ELP1: variants seen among roughly 807,000 people sequenced by gnomAD.
The protein encoded by ELP1 is elongator complex protein 1.
In ELP1, 131 loss-of-function variants were observed where a neutral mutation model predicts 183.2. The ratio of observed to expected loss-of-function variants is 0.72; its 90% CI spans 0.62 to 0.83. ELP1 has a LOEUF of 0.83. Among genes scored for constraint, ELP1 ranks in the 40% least tolerant of loss-of-function variants. The pLI is 0.00. For synonymous variants in ELP1, 555 were observed against 569.0 expected, an observed-to-expected ratio of 0.98 and a Z score of 0.35; for missense variants, 1,550 against 1,594.9, an observed-to-expected ratio of 0.97 and a Z score of 0.48.
In ELP1 at chr9:108,898,512, TA is replaced by T. The variant is rs1195330104; in HGVS notation, c.2352del (p.Phe784LeufsTer4). On this transcript the variant is annotated frameshift_variant, in exon 22 of 37. Coordinates refer to ENST00000374647, the MANE Select transcript of ELP1 (RefSeq NM_003640.5). LOFTEE classifies it high-confidence loss of function. ...IDSVNHINLFFTELKEEDVTK... is the reference protein window; with the variant it reads ...IDSVNHINLFXTELKEEDVTK... ...ATTCAAAATACTTACTTCAATTCTGTAAAAAACAAGTTAATATGATTCACAG... is the reference window on the plus strand; with the variant it reads ...ATTCAAAATACTTACTTCAATTCTGTAAAAACAAGTTAATATGATTCACAG... The T allele has an allele frequency of 6.4e-7, 1 of 1,555,994 alleles. No individual in the cohort carries two copies.
At position 108,869,666 on chromosome 9, in the gene ELP1, C is replaced by T. The variant is rs190371309; in HGVS notation, c.3932-484G>A. ...ACAAACATGTTGATCAATAAAGATGCCCCTGCTTTAAAAAAAGTGAATGGA... is the reference window on the plus strand; with the variant it reads ...ACAAACATGTTGATCAATAAAGATGTCCCTGCTTTAAAAAAAGTGAATGGA... On this transcript the variant is annotated intron_variant, in intron 36 of 36. Transcript: ENST00000374647. Among the ~76,000 whole-genome samples the T allele has an allele frequency of 1.7e-3, 261 of 151,770 alleles. 3 individuals are homozygous for T. Among genetic ancestry groups the T allele is most frequent in the Admixed American group, 0.015 (223 of 15,296 alleles).
chr9:108,906,539 G>A, intron 13 of ELP1, 54 bp from the exon 14 acceptor site: 2 of 1,478,774 alleles, frequency 1.4e-6, no homozygotes, highest in Non-Finnish European at 1.9e-6. Context: ...AAAAACCACT[G>A]AGACGTTCCT....
rs749052963 is a variant in ELP1, at chr9:108,893,986, G to T, written c.2817C>A (p.Tyr939Ter). ...CAATGGCTTTTTCATATCGTTTCAA[G>T]TATTTGTCTATAGTAAACCGCTGAT... ...TNYQRFTIDK[Y>*]LKRYEKAIGH... The change falls in exon 26 of 37, where the codon TAC (tyrosine) becomes TAA (stop). Residue 939 changes from tyrosine (Y) to a stop codon, truncating the protein, a stop_gained. Coordinates refer to ENST00000374647, the MANE Select transcript of ELP1 (RefSeq NM_003640.5). LOFTEE classifies it high-confidence loss of function. 6.2e-7 allele frequency: 1 copy of T among 1,612,508 alleles called. No homozygotes were observed.
At chr9:108,873,429 ACCTTTT>A (rs1827562726) in intron 36 of ELP1, among the ~76,000 whole-genome samples, 2 of 152,238 alleles carry the variant, frequency 1.3e-5, no homozygotes, top group South Asian at 4.1e-4. Flanking sequence ...ATAGGAACTT[ACCTTTT>A]CCTATACATC....
chr9:108,877,893 T>C (rs1380146264), intron 35 of ELP1, 102 bp downstream of exon 35: 3 of 1,199,888 alleles, frequency 2.5e-6, no homozygotes, highest in Non-Finnish European at 3.7e-6. Context: ...TATGGCATCT[T>C]ATGTTTTAAG....
intron 31 of ELP1, among the ~76,000 whole-genome samples, chr9:108,880,491 G>A (rs953281352): frequency 1.3e-5 from 2 of 151,930 alleles, no homozygotes; most frequent in African/African-American, 4.8e-5. Flanking sequence ...GGGGGTAGGG[G>A]AGGGGAGCTC....
chr9:108,903,570 G>T lies in ELP1; in HGVS notation c.1743C>A (p.Tyr581Ter). The T allele has an allele frequency of 6.2e-7, 1 of 1,606,832 alleles. No individual in the cohort carries two copies. The highest frequency in any genetic ancestry group is 1.1e-5 in the South Asian group (1 of 90,908). The change falls in exon 15 of 37, where the codon TAC becomes TAA. Residue 581 changes from tyrosine (Y) to a stop codon, truncating the protein, a stop_gained. Coordinates refer to ENST00000374647, the MANE Select transcript of ELP1 (RefSeq NM_003640.5). LOFTEE classifies it high-confidence loss of function. ...TAACACCTTGATACTCACCCCAAAGGTACTTAAATATCTGGCCATCAGCCA... is the reference window on the plus strand; with the variant it reads ...TAACACCTTGATACTCACCCCAAAGTTACTTAAATATCTGGCCATCAGCCA... ...LQLADGQIFK[Y>*]LWESPSLAIK...
chr9:108,901,366 C>T (rs1422087376), intron 18 of ELP1, 59 bp downstream of exon 18: 83 of 1,224,780 alleles, frequency 6.8e-5, no homozygotes, highest in Non-Finnish European at 2.4e-6. Context: ...AAAAAGTCAT[C>T]AAGACTCCAA....
intron 5 of ELP1, among the ~76,000 whole-genome samples, chr9:108,923,500 A>G (rs1829729715): frequency 6.6e-6 from 1 of 152,234 alleles, no homozygotes; most frequent in South Asian, 2.1e-4. Flanking sequence ...CTTTGATGAC[A>G]CAAGTCAGCG....
At position 108,882,175 on chromosome 9, in the gene ELP1, C is replaced by T. The variant is rs1299171036; in HGVS notation, c.3235G>A (p.Ala1079Thr). ...LEECAQDYEE[A>T]VLLLLEGAAW... The stretch of plus-strand genomic sequence containing the variant: ...GCTCCTTCTAACAGCAAGAGCACAG[C>T]TTCTTCATAATCCTGACAAGGGAAC... Residue 1079 changes from alanine to threonine, a missense_variant, in exon 30 of 37, where the codon GCT becomes ACT. By Grantham distance (58) the Ala-to-Thr change is moderately conservative. Coordinates refer to ENST00000374647, the MANE Select transcript of ELP1 (RefSeq NM_003640.5). 7 of 1,613,278 alleles carry T rather than the reference C, an allele frequency of 4.3e-6. No homozygotes were observed. Among genetic ancestry groups the T allele is most frequent in the Non-Finnish European group, 4.2e-6 (5 of 1,179,828 alleles).
chr9:108,908,350 C>A lies in ELP1; in HGVS notation c.1415G>T (p.Gly472Val). Residue 472 changes from glycine to valine, a missense_variant, in exon 13 of 37, where the codon GGA becomes GTA. Transcript: ENST00000374647. ...TVKLGAVGGS[G>V]FKVCLRTPHL... The stretch of plus-strand genomic sequence containing the variant: ...AGGAGTTCTAAGGCAAACTTTAAAT[C>A]CACTTCCACCCACAGCTCCCAGTTT... The A allele has an allele frequency of 3.7e-6, 6 of 1,614,152 alleles. No individual in the cohort carries two copies. The highest frequency in any genetic ancestry group is 5.1e-6 in the Non-Finnish European group (6 of 1,179,994).
chr9:108,903,824 T>TACACAC (rs3835305), intron 14 of ELP1, among the ~76,000 whole-genome samples, 155 bp from the exon 15 acceptor site: 27 of 150,704 alleles, frequency 1.8e-4, no homozygotes, highest in African/African-American at 6.3e-4. Flanking sequence ...CCCAATACTA[T>TACACAC]ACACACACAC....
intron 31 of ELP1, among the ~76,000 whole-genome samples, chr9:108,881,366 T>C (rs1435400279): frequency 6.6e-6 from 1 of 152,242 alleles, no homozygotes; most frequent in African/African-American, 2.4e-5. Flanking sequence ...AATAGGATAT[T>C]ATCTTATATA....
At chr9:108,882,072 G>T in intron 30 of ELP1, 53 bp downstream of exon 30, 2 of 1,458,626 alleles carry the variant, frequency 1.4e-6, no homozygotes, top group Non-Finnish European at 9.6e-7. Context: ...GGAATCCCTT[G>T]CTTGCTCTCT....
At chr9:108,897,951 T>C (rs1234047419) in intron 22 of ELP1, among the ~76,000 whole-genome samples, 2 of 152,154 alleles carry the variant, frequency 1.3e-5, no homozygotes, top group East Asian at 3.9e-4. Flanking sequence ...ACACAAAGAA[T>C]GCCCTCTAGT....
rs2230789 is a variant in ELP1 at position 108,912,378 on chromosome 9, G to C, written c.1075C>G (p.Leu359Val). The change falls in exon 11 of 37, where the codon CTG becomes GTG. Residue 359 changes from leucine (L) to valine (V), a missense_variant. Transcript: ENST00000374647. ...LMWDPVTPYR[L>V]HVLCQGWHYL... ...TGCCAGCCCTGACAGAGAACATGCA[G>C]CCGGTATGGGGTCACAGGGTCCCAC... The C allele has an allele frequency of 2.5e-6, 4 of 1,614,130 alleles. No homozygotes were observed. In the South Asian group the frequency reaches 4.4e-5, roughly 18 times the overall value.
In ELP1 at chr9:108,916,228, C is replaced by T. The variant is rs1140064; in HGVS notation, c.934G>A (p.Glu312Lys). 0.022 allele frequency: 35,734 copies of T among 1,613,956 alleles called. 478 individuals are homozygous for T. Among genetic ancestry groups the T allele is most frequent in the Non-Finnish European group, 0.025 (29,707 of 1,179,812 alleles). ...AVWLEDLQRE[E>K]SSIPKTCVQL... The stretch of plus-strand genomic sequence containing the variant: ...CCACAGGTTTTCGGAATGGAGCTTT[C>T]TTCTCTCTGAAGGTCTTCCAGCCAG... Residue 312 changes from glutamate (E) to lysine (K), a missense_variant, in exon 10 of 37, where the codon GAA becomes AAA. By Grantham distance (56) the Glu-to-Lys change is moderately conservative. Transcript: ENST00000374647.
Position 108,880,146 on chromosome 9 carries a change from T to G in ELP1, c.3366A>C (p.Ala1122=). ...ATGTGGCTGTCTGAGAGTCCAGAAA[T>G]GCCATATAATTTTTCTGGGCTGGAG... ...SILEAQKNYM[A]FLDSQTATFS... Residue 1122 remains alanine (A), a synonymous_variant, in exon 32 of 37, where the codon GCA becomes GCC. Coordinates refer to ENST00000374647, the MANE Select transcript of ELP1 (RefSeq NM_003640.5). 6.2e-7 allele frequency: 1 copy of G among 1,613,182 alleles called. No individual in the cohort carries two copies. Among genetic ancestry groups the G allele is most frequent in the Non-Finnish European group, 8.5e-7 (1 of 1,179,122 alleles).
chr9:108,908,166 C>T, intron 13 of ELP1, 139 bp downstream of exon 13: 1 of 697,578 alleles, frequency 1.4e-6, no homozygotes, highest in Non-Finnish European at 2.6e-6. Context: ...CCAATCAGAT[C>T]CGAAAGTCAG....
Sources: gnomAD v4.1 joint callset for allele counts (sites outside exome capture counted in the v4.1 genomes callset) on GRCh38, gnomAD v4.1.1 for gene constraint, MANE v1.5 for transcripts, NCBI Gene and HGNC (gene_info 2026-07-23, HGNC 2026-07-21) for gene names.